The following KYNU variants were observed in gnomAD, a reference collection of about 807,000 sequenced individuals.
The protein encoded by KYNU is kynureninase.
KYNU carries 54 observed loss-of-function variants against 59.2 expected under a neutral mutation model. The observed-to-expected ratio is 0.91, with a 90% CI of 0.73 to 1.14. The LOEUF (loss-of-function observed/expected upper bound fraction) is 1.14, where lower values mean the gene tolerates loss of function less well. Ranked by LOEUF, KYNU falls within the 50% of genes most tolerant of loss-of-function variation. The pLI is 0.00. For missense variants in KYNU, 567 were observed against 554.4 expected (o/e 1.02, Z -0.23); for synonymous variants, 177 against 192.0 (o/e 0.92, Z 0.65).
At chr2:142,923,641 T>C (rs1573795164) in intron 3 of KYNU, among the ~76,000 whole-genome samples, 1 of 152,210 alleles carries the variant, frequency 6.6e-6, no homozygotes, top group Non-Finnish European at 1.5e-5. Flanking sequence ...AACAGAAGGA[T>C]ATATCAGTCC....
intron 12 of KYNU, among the ~76,000 whole-genome samples, chr2:143,034,182 A>G (rs576367251): frequency 6.6e-6 from 1 of 151,458 alleles, no homozygotes; most frequent in South Asian, 2.1e-4. Context: ...AAATATATAA[A>G]GTAATTGTAT....
At chr2:142,992,873 G>T (rs1202676547) in intron 10 of KYNU, among the ~76,000 whole-genome samples, 2 of 152,052 alleles carry the variant, frequency 1.3e-5, no homozygotes, top group African/African-American at 4.8e-5. Flanking sequence ...TTCATTTGGA[G>T]ATATATCTTT....
In KYNU at chr2:143,040,552, A is replaced by G. The variant is rs1160467890; in HGVS notation, c.1166A>G (p.Asn389Ser). The change falls in exon 13 of 14, where the codon AAC becomes AGC. Residue 389 changes from asparagine (N) to serine (S), a missense_variant. Coordinates refer to ENST00000264170, the MANE Select transcript of KYNU (RefSeq NM_003937.3). ...GCAGCAACCAAGAAACCAGTTGTGA[A>G]CATAATTACTCCGTCTCATGTAGAG... is the stretch of plus-strand genomic sequence containing the variant. ...DKAATKKPVV[N>S]IITPSHVEER... 1.2e-6 allele frequency: 2 copies of G among 1,613,102 alleles called. No homozygotes were observed. The highest frequency in any genetic ancestry group is 1.7e-6 in the Non-Finnish European group (2 of 1,179,428).
At chr2:142,926,738 G>T (rs1573798698) in intron 3 of KYNU, among the ~76,000 whole-genome samples, 1 of 152,338 alleles carries the variant, frequency 6.6e-6, no homozygotes, top group East Asian at 1.9e-4. Context: ...GCTGGGGTCT[G>T]TCAGAAGCTT....
At chr2:142,969,121 T>A (rs1301860119) in intron 8 of KYNU, among the ~76,000 whole-genome samples, 1 of 152,146 alleles carries the variant, frequency 6.6e-6, no homozygotes, top group Non-Finnish European at 1.5e-5. Flanking sequence ...TCCTGTAGTT[T>A]AACTCACCTT....
chr2:142,951,111 G>A (rs776214090), intron 4 of KYNU, among the ~76,000 whole-genome samples: 10 of 152,250 alleles, frequency 6.6e-5, no homozygotes, highest in Admixed American at 1.3e-4. Context: ...CATTGATCAC[G>A]GAAATAATAA....
At chr2:142,944,546 C>T (rs1573820677) in intron 4 of KYNU, among the ~76,000 whole-genome samples, 1 of 152,086 alleles carries the variant, frequency 6.6e-6, no homozygotes, top group East Asian at 1.9e-4. Flanking sequence ...GCTAAGCTCT[C>T]CAGAAGCATT....
rs138664071 is a variant in KYNU at position 143,027,241 on chromosome 2, A to G, written c.903-2386A>G. ...TTGGAAGGAGTAAAATTTCTGGGACAGAAAACAATGCATATTTCCCATATA... is the reference window on the plus strand; with the variant it reads ...TTGGAAGGAGTAAAATTTCTGGGACGGAAAACAATGCATATTTCCCATATA... On this transcript the variant is annotated intron_variant, in intron 10 of 13. Transcript: ENST00000264170. Among the ~76,000 whole-genome samples the G allele has an allele frequency of 3.8e-4, 58 of 152,346 alleles. 2 individuals are homozygous for G. Among genetic ancestry groups the G allele is most frequent in the African/African-American group, 1.3e-3 (56 of 41,568 alleles).
At chr2:142,976,292 C>T (rs1221197872) in intron 8 of KYNU, among the ~76,000 whole-genome samples, 1 of 152,116 alleles carries the variant, frequency 6.6e-6, no homozygotes, top group Non-Finnish European at 1.5e-5. Flanking sequence ...ATTATTCTTC[C>T]CCACCTGGGG....
At chr2:142,916,148 G>A (rs1251016907) in intron 2 of KYNU, among the ~76,000 whole-genome samples, 1 of 152,148 alleles carries the variant, frequency 6.6e-6, no homozygotes, top group Non-Finnish European at 1.5e-5. Flanking sequence ...CTACCCAGAA[G>A]CTTTAGTTCT....
At chr2:142,978,618 A>G (rs1684956775) in intron 8 of KYNU, among the ~76,000 whole-genome samples, 1 of 152,164 alleles carries the variant, frequency 6.6e-6, no homozygotes, top group African/African-American at 2.4e-5. Context: ...TCACAGGCTG[A>G]TATTCGCAGA....
At chr2:142,955,874 G>A (rs1313371742) in intron 5 of KYNU, among the ~76,000 whole-genome samples, 1 of 152,048 alleles carries the variant, frequency 6.6e-6, no homozygotes, top group African/African-American at 2.4e-5. Flanking sequence ...AAGATAATTT[G>A]TCAATTAACA....
chr2:142,999,178 C>A (rs193176269), intron 10 of KYNU, among the ~76,000 whole-genome samples: 4 of 152,162 alleles, frequency 2.6e-5, no homozygotes, highest in African/African-American at 9.6e-5. Flanking sequence ...GATGGTTTTG[C>A]ATTTTCTGTG....
At chr2:142,956,131 T>A (rs351674) in intron 5 of KYNU, 72 bp from the exon 6 acceptor site, 425,944 of 819,746 alleles carry the variant, frequency 0.52, 115,652 homozygotes, top group African/African-American at 0.71. Flanking sequence ...TATAAAATGA[T>A]AGTGTGACAT....
intron 8 of KYNU, among the ~76,000 whole-genome samples, chr2:142,975,065 C>G (rs1304578889): frequency 2.0e-5 from 3 of 152,164 alleles, no homozygotes; most frequent in Non-Finnish European, 4.4e-5. Flanking sequence ...GCCTCACCCT[C>G]AAGCCTGGAG....
chr2:143,002,088 T>C (rs1685722201), intron 10 of KYNU, among the ~76,000 whole-genome samples: 1 of 152,134 alleles, frequency 6.6e-6, no homozygotes, highest in Admixed American at 6.5e-5. Flanking sequence ...TGGCAAACAA[T>C]TAGAATCTTC....
At chr2:142,992,661 A>G (rs951259981) in intron 10 of KYNU, among the ~76,000 whole-genome samples, 3 of 151,814 alleles carry the variant, frequency 2.0e-5, no homozygotes, top group Non-Finnish European at 4.4e-5. Flanking sequence ...TTTCTATCTC[A>G]GAAACTAAAT....
At chr2:142,983,814 T>TG (rs1198840618) in intron 8 of KYNU, among the ~76,000 whole-genome samples, 3 of 152,072 alleles carry the variant, frequency 2.0e-5, no homozygotes, top group African/African-American at 7.2e-5. Context: ...ACAAACTATG[T>TG]TTTCTTTAAA....
At chr2:143,005,777 C>A (rs1176202218) in intron 10 of KYNU, among the ~76,000 whole-genome samples, 2 of 151,870 alleles carry the variant, frequency 1.3e-5, no homozygotes, top group Non-Finnish European at 2.9e-5. Flanking sequence ...ATTACTTTCG[C>A]ACCAACATGT....
Sources: gnomAD v4.1 joint callset for allele counts (sites outside exome capture counted in the v4.1 genomes callset) on GRCh38, gnomAD v4.1.1 for gene constraint, MANE v1.5 for transcripts, NCBI Gene and HGNC (gene_info 2026-07-23, HGNC 2026-07-21) for gene names.